The following DGKB variants were observed in gnomAD, a reference collection of about 807,000 sequenced individuals.
DGKB encodes the protein diacylglycerol kinase beta.
A neutral mutation model predicts 114.3 loss-of-function variants in DGKB; 67 were observed. The observed-to-expected ratio is 0.59, with a 90% confidence interval of 0.48 to 0.72. The LOEUF is 0.72. DGKB is among the 30% of genes least tolerant of loss of function. DGKB has a pLI of 0.00. For missense variants in DGKB, 907 were observed against 975.2 expected (o/e 0.93, Z 0.93); for synonymous variants, 398 against 323.1 (o/e 1.23, Z -2.49).
chr7:14,660,059 A>T (rs1816713683), intron 13 of DGKB, among the ~76,000 whole-genome samples: 1 of 151,264 alleles, frequency 6.6e-6, no homozygotes, highest in Admixed American at 6.6e-5. Flanking sequence ...GTATTGAACC[A>T]GCCTTGCATC....
chr7:14,913,086 G>C (rs959119304), intron 1 of DGKB, among the ~76,000 whole-genome samples: 1 of 151,838 alleles, frequency 6.6e-6, no homozygotes, highest in East Asian at 1.9e-4. Context: ...TCTTAGCTTC[G>C]CCAGCCTCAC....
chr7:14,170,945 A>C (rs1237598375), intron 25 of DGKB, among the ~76,000 whole-genome samples: 4 of 152,140 alleles, frequency 2.6e-5, no homozygotes, highest in Non-Finnish European at 5.9e-5. Flanking sequence ...ACTGGCAGTC[A>C]AGTCAGAAAA....
At chr7:14,587,522 C>T in intron 17 of DGKB, among the ~76,000 whole-genome samples, 1 of 152,118 alleles carries the variant, frequency 6.6e-6, no homozygotes, top group East Asian at 1.9e-4. Flanking sequence ...TTTGAGAAGA[C>T]TGACTCAAAT....
intron 23 of DGKB, among the ~76,000 whole-genome samples, chr7:14,291,287 A>G (rs975966391): frequency 5.3e-5 from 8 of 152,176 alleles, no homozygotes; most frequent in Non-Finnish European, 5.9e-5. Flanking sequence ...GCAAAGTATC[A>G]TGCTATCTAA....
At chr7:14,409,988 C>T (rs2128743459) in intron 21 of DGKB, among the ~76,000 whole-genome samples, 1 of 152,060 alleles carries the variant, frequency 6.6e-6, no homozygotes, top group East Asian at 1.9e-4. Context: ...TTCTACTTAA[C>T]AACAGGCTAT....
chr7:14,785,951 T>A (rs1484004086), intron 2 of DGKB, among the ~76,000 whole-genome samples: 1 of 152,014 alleles, frequency 6.6e-6, no homozygotes, highest in African/African-American at 2.4e-5. Context: ...ATCTTTCAAG[T>A]TTTTATTCCA....
intron 2 of DGKB, among the ~76,000 whole-genome samples, chr7:14,808,417 CT>C (rs1345000171): frequency 3.9e-5 from 6 of 152,028 alleles, no homozygotes; most frequent in Non-Finnish European, 8.8e-5. Flanking sequence ...CACATTAATG[CT>C]TCCTAAATGT....
intron 23 of DGKB, among the ~76,000 whole-genome samples, chr7:14,267,899 T>C (rs1440651809): frequency 6.6e-6 from 1 of 152,148 alleles, no homozygotes; most frequent in Non-Finnish European, 1.5e-5. Context: ...TATGATTCTT[T>C]TTCATCAAAC....
chr7:14,259,379 TTC>T (rs752185464), intron 23 of DGKB, among the ~76,000 whole-genome samples: 5,072 of 142,238 alleles, frequency 0.036, 95 homozygotes, highest in South Asian at 0.045. Context: ...CTAGTAAAGT[TTC>T]TCTCTCTCTC....
At chr7:14,863,693 T>C (rs746251922) in intron 1 of DGKB, among the ~76,000 whole-genome samples, 1 of 152,114 alleles carries the variant, frequency 6.6e-6, no homozygotes, top group Admixed American at 6.6e-5. Context: ...ACATGTACAT[T>C]ATAGAAAGAT....
At chr7:14,197,896 A>T (rs1785254434) in intron 23 of DGKB, among the ~76,000 whole-genome samples, 1 of 152,084 alleles carries the variant, frequency 6.6e-6, no homozygotes, top group East Asian at 1.9e-4. Context: ...TGGAATCATA[A>T]CTTCTTTCTG....
chr7:14,168,218 A>G (rs959506527), intron 25 of DGKB, among the ~76,000 whole-genome samples: 2 of 152,230 alleles, frequency 1.3e-5, no homozygotes, highest in Admixed American at 1.3e-4. Flanking sequence ...TAAAAGAGAA[A>G]AATGTCAGTG....
At chr7:14,618,511 C>T (rs1806984506) in intron 15 of DGKB, among the ~76,000 whole-genome samples, 1 of 151,592 alleles carries the variant, frequency 6.6e-6, no homozygotes, top group Non-Finnish European at 1.5e-5. Context: ...CTCCTTATTT[C>T]TTCACATGTG....
Position 14,148,426 on chromosome 7 carries a change from G to A in DGKB, c.*705C>T, listed in dbSNP as rs897479280. The stretch of plus-strand genomic sequence containing the variant: ...TCTCATGCAGAAAGGAACAAGGCTT[G>A]CCATATTACCACACTTGACTGTCAA... On this transcript the variant is annotated 3_prime_UTR_variant, in exon 26 of 26. Coordinates refer to ENST00000402815, the MANE Select transcript of DGKB (RefSeq NM_001350709.2). 2 of 152,544 alleles carry A rather than the reference G, an allele frequency of 1.3e-5. No individual in the cohort carries two copies. The highest frequency in any genetic ancestry group is 2.9e-5 in the Non-Finnish European group (2 of 68,032). The allele number at this position is 152,544 out of a possible 1,614,324, so 9.4% of individuals were successfully genotyped here.
At chr7:14,379,768 G>C (rs529958795) in intron 21 of DGKB, among the ~76,000 whole-genome samples, 47 of 152,180 alleles carry the variant, frequency 3.1e-4, no homozygotes, top group African/African-American at 1.0e-3. Flanking sequence ...CCGTGTTAGC[G>C]AGGATGGTCT....
chr7:14,851,304 G>T (rs556809523), intron 1 of DGKB, among the ~76,000 whole-genome samples: 1 of 152,206 alleles, frequency 6.6e-6, no homozygotes, highest in South Asian at 2.1e-4. Flanking sequence ...TTTGTACTGT[G>T]TATGTTTTTA....
chr7:14,184,229 C>T (rs554192189), intron 23 of DGKB, among the ~76,000 whole-genome samples: 94 of 152,240 alleles, frequency 6.2e-4, no homozygotes, highest in African/African-American at 2.2e-3. Flanking sequence ...GGTAAAACTC[C>T]ACAGGGAGAA....
chr7:14,934,475 G>T (rs1785179583), intron 1 of DGKB, among the ~76,000 whole-genome samples: 1 of 151,942 alleles, frequency 6.6e-6, no homozygotes, highest in African/African-American at 2.4e-5. Context: ...TTAAAAATTG[G>T]TTTTCATTTA....
chr7:14,730,276 G>A (rs1193487087), intron 5 of DGKB, among the ~76,000 whole-genome samples: 3 of 152,180 alleles, frequency 2.0e-5, no homozygotes, highest in Non-Finnish European at 4.4e-5. Context: ...AATGGTTGGA[G>A]TTGGCATGGG....
Sources: allele counts gnomAD v4.1 joint callset (sites outside exome capture counted in the v4.1 genomes callset), GRCh38; gene constraint gnomAD v4.1.1; transcripts MANE v1.5; gene names NCBI Gene and HGNC (gene_info 2026-07-23, HGNC 2026-07-21).